Variants in PAPPA2 observed in about 807,000 individuals in gnomAD.
PAPPA2 encodes the protein pappalysin 2, also known as pappalysin-2.
Under a neutral mutation model 176.4 loss-of-function variants are expected in PAPPA2, and 86 were observed. That is an observed-to-expected ratio of 0.49 (90% confidence interval 0.41 to 0.58). The LOEUF (loss-of-function observed/expected upper bound fraction) is 0.58. PAPPA2 is among the 20% of genes least tolerant of loss of function. The pLI, the probability that PAPPA2 is intolerant of heterozygous loss-of-function variation, is 0.00. For missense variants in PAPPA2, 2,073 were observed against 2,256.9 expected (o/e 0.92, Z 1.65); for synonymous variants, 809 against 852.2 (o/e 0.95, Z 0.88).
intron 8 of PAPPA2, among the ~76,000 whole-genome samples, chr1:176,701,051 T>TACACAC (rs374838543): frequency 0.14 from 20,622 of 148,288 alleles, 1,431 homozygotes; most frequent in South Asian, 0.17. Flanking sequence ...CACACACACA[T>TACACAC]ACACACACAC....
At chr1:176,502,219 G>A (rs1311185142) in intron 1 of PAPPA2, among the ~76,000 whole-genome samples, 2 of 152,152 alleles carry the variant, frequency 1.3e-5, no homozygotes, top group Non-Finnish European at 1.5e-5. Flanking sequence ...TTGTTTGAAA[G>A]CATTGGAATG....
chr1:176,759,132 A>G (rs575897589), intron 14 of PAPPA2, among the ~76,000 whole-genome samples: 4 of 152,350 alleles, frequency 2.6e-5, no homozygotes, highest in African/African-American at 9.6e-5. Context: ...TACGCTAGAT[A>G]AAAGTTGTGA....
At chr1:176,564,391 G>A (rs1651840258) in intron 2 of PAPPA2, among the ~76,000 whole-genome samples, 1 of 152,206 alleles carries the variant, frequency 6.6e-6, no homozygotes, top group Non-Finnish European at 1.5e-5. Flanking sequence ...TCTGTTGTTA[G>A]AATGTGCAAG....
At chr1:176,686,792 G>T (rs1029199121) in intron 4 of PAPPA2, among the ~76,000 whole-genome samples, 30 of 152,158 alleles carry the variant, frequency 2.0e-4, no homozygotes, top group Admixed American at 1.3e-4. Flanking sequence ...CAGATGGGAA[G>T]AAATCTTAGT....
intron 21 of PAPPA2, among the ~76,000 whole-genome samples, chr1:176,803,858 T>A (rs1218576456): frequency 6.6e-6 from 1 of 152,188 alleles, no homozygotes; most frequent in East Asian, 1.9e-4. Flanking sequence ...TCAAATCTCT[T>A]TGTGCACACT....
intron 12 of PAPPA2, among the ~76,000 whole-genome samples, chr1:176,712,392 T>C (rs1661187837): frequency 6.6e-6 from 1 of 152,170 alleles, no homozygotes; most frequent in South Asian, 2.1e-4. Flanking sequence ...TCTATCATCA[T>C]AGATTAGTTT....
chr1:176,637,794 G>A (rs1297708825), intron 3 of PAPPA2, among the ~76,000 whole-genome samples: 17 of 151,984 alleles, frequency 1.1e-4, no homozygotes. Flanking sequence ...CGAACATGTT[G>A]ATTTTCTCTT....
At chr1:176,472,034 T>C (rs1053426145) in intron 1 of PAPPA2, among the ~76,000 whole-genome samples, 10 of 152,226 alleles carry the variant, frequency 6.6e-5, no homozygotes, top group African/African-American at 2.4e-4. Context: ...TATTGATTGC[T>C]CAATGCCTAG....
intron 3 of PAPPA2, among the ~76,000 whole-genome samples, chr1:176,664,810 A>G (rs1249647661): frequency 6.6e-6 from 1 of 152,178 alleles, no homozygotes; most frequent in African/African-American, 2.4e-5. Context: ...TTTGTGTATA[A>G]TGTCTTGTCA....
chr1:176,769,223 C>T (rs1483710682), intron 15 of PAPPA2, among the ~76,000 whole-genome samples: 1 of 152,220 alleles, frequency 6.6e-6, no homozygotes, highest in Non-Finnish European at 1.5e-5. Flanking sequence ...CTCCAGGCTG[C>T]TGACACTGTG....
At chr1:176,554,774 A>G (rs1651167262) in intron 1 of PAPPA2, among the ~76,000 whole-genome samples, 1 of 152,230 alleles carries the variant, frequency 6.6e-6, no homozygotes, top group African/African-American at 2.4e-5. Flanking sequence ...TACTTCTCAC[A>G]GCAGGATACT....
intron 3 of PAPPA2, among the ~76,000 whole-genome samples, chr1:176,606,412 G>A (rs974151508): frequency 9.2e-5 from 14 of 152,126 alleles, no homozygotes; most frequent in Non-Finnish European, 1.5e-4. Flanking sequence ...AAGAATGAGG[G>A]CAAGGAAAGG....
intron 2 of PAPPA2, among the ~76,000 whole-genome samples, chr1:176,590,301 C>G (rs936933196): frequency 8.5e-5 from 13 of 152,082 alleles, no homozygotes; most frequent in Admixed American, 8.5e-4. Flanking sequence ...CCAATTGTAC[C>G]CATCTCTTCC....
At chr1:176,701,549 A>T (rs978437661) in intron 8 of PAPPA2, among the ~76,000 whole-genome samples, 1 of 152,326 alleles carries the variant, frequency 6.6e-6, no homozygotes, top group East Asian at 1.9e-4. Context: ...CTTTTCTATT[A>T]AAATACTTAA....
intron 4 of PAPPA2, among the ~76,000 whole-genome samples, chr1:176,674,682 G>C (rs1316831121): frequency 2.0e-5 from 3 of 149,186 alleles, no homozygotes; most frequent in Non-Finnish European, 4.4e-5. Context: ...GTTTGGACTG[G>C]TTCCATATTG....
At chr1:176,640,030 A>G (rs895040005) in intron 3 of PAPPA2, among the ~76,000 whole-genome samples, 4 of 151,834 alleles carry the variant, frequency 2.6e-5, no homozygotes, top group African/African-American at 9.7e-5. Context: ...ACAAGAAGAA[A>G]AGGGCAAGCC....
At chr1:176,655,585 A>G (rs1165991479) in intron 3 of PAPPA2, among the ~76,000 whole-genome samples, 3 of 151,874 alleles carry the variant, frequency 2.0e-5, no homozygotes, top group Non-Finnish European at 4.4e-5. Flanking sequence ...GCCATCTTAC[A>G]CCAGTCAGAA....
intron 20 of PAPPA2, among the ~76,000 whole-genome samples, chr1:176,797,965 T>A (rs1665519408): frequency 6.6e-6 from 1 of 152,168 alleles, no homozygotes; most frequent in South Asian, 2.1e-4. Flanking sequence ...CTTGTAAAAT[T>A]TCGTCTTTCC....
chr1:176,764,250 C>A (rs1400020377), intron 14 of PAPPA2, among the ~76,000 whole-genome samples: 1 of 152,126 alleles, frequency 6.6e-6, no homozygotes, highest in Non-Finnish European at 1.5e-5. Flanking sequence ...CAAACCATAT[C>A]CAAACCATAG....
Sources: allele counts gnomAD v4.1 joint callset (sites outside exome capture counted in the v4.1 genomes callset), GRCh38; gene constraint gnomAD v4.1.1; transcripts MANE v1.5; gene names NCBI Gene and HGNC (gene_info 2026-07-23, HGNC 2026-07-21).